XPR1: variants seen among roughly 807,000 people sequenced by gnomAD.
XPR1 encodes the protein solute carrier family 53 member 1.
In XPR1, 28 loss-of-function variants were observed where a neutral mutation model predicts 87.5. The observed-to-expected ratio is 0.32, with a 90% CI of 0.24 to 0.44. XPR1 has a LOEUF of 0.44. Among genes scored for constraint, XPR1 ranks in the 20% least tolerant of loss-of-function variants. The probability of loss-of-function intolerance (pLI) is 1.00; values close to 1 mark genes in which losing one functional copy is unlikely to be tolerated. For missense variants in XPR1, 559 were observed against 862.3 expected, an observed-to-expected ratio of 0.65 and a Z score of 4.41; for synonymous variants, 300 against 306.1, an observed-to-expected ratio of 0.98 and a Z score of 0.21.
At chr1:180,818,509 G>C (rs1378504435) in intron 7 of XPR1, among the ~76,000 whole-genome samples, 1 of 152,020 alleles carries the variant, frequency 6.6e-6, no homozygotes, top group Non-Finnish European at 1.5e-5. Context: ...CCAATTTATA[G>C]TGTTGCTGTG....
rs71297873 is a variant in XPR1, at chr1:180,748,400, C to CTTTT, written c.122-39321_122-39318dup. Reference sequence around the variant, plus strand: ...TGCTACTCTGTGTTATTATTTATGTCTTTTTTTTTTTTTTTTTTTTTTTTT... The same window carrying CTTTT: ...TGCTACTCTGTGTTATTATTTATGTCTTTTTTTTTTTTTTTTTTTTTTTTTTTTT... On this transcript the variant is annotated intron_variant, in intron 2 of 14. Coordinates refer to ENST00000367590, the MANE Select transcript of XPR1 (RefSeq NM_004736.4). Among the ~76,000 whole-genome samples the CTTTT allele has an allele frequency of 6.9e-3, 204 of 29,692 alleles. 44 individuals carry two copies. Among genetic ancestry groups the CTTTT allele is most frequent in the East Asian group, 0.019 (12 of 628 alleles). The allele number at this position is 29,692 out of a possible 152,430, so 19.5% of individuals were successfully genotyped here.
chr1:180,796,495 A>G (rs1649577666), intron 3 of XPR1, among the ~76,000 whole-genome samples: 1 of 152,136 alleles, frequency 6.6e-6, no homozygotes, highest in Non-Finnish European at 1.5e-5. Flanking sequence ...AAGTAGCAAA[A>G]TACACCTGAA....
At chr1:180,708,448 T>C (rs1649280166) in intron 2 of XPR1, among the ~76,000 whole-genome samples, 1 of 152,228 alleles carries the variant, frequency 6.6e-6, no homozygotes, top group South Asian at 2.1e-4. Context: ...ACTCTTAATA[T>C]TGGTTAAAAT....
intron 2 of XPR1, among the ~76,000 whole-genome samples, chr1:180,774,215 A>C (rs945376161): frequency 6.6e-6 from 1 of 152,082 alleles, no homozygotes; most frequent in African/African-American, 2.4e-5. Flanking sequence ...TGAGCTAAGA[A>C]CTTAATTTTC....
intron 11 of XPR1, among the ~76,000 whole-genome samples, chr1:180,861,898 A>G (rs61811227): frequency 0.053 from 8,119 of 152,216 alleles, 311 homozygotes; most frequent in Non-Finnish European, 0.079. Context: ...TGAGGAAAAG[A>G]TGTACAGTAG....
rs544945558 is a variant in XPR1 at position 180,704,597 on chromosome 1, A to G, written c.121+22186A>G. 3.3e-5 allele frequency among the ~76,000 whole-genome samples: 5 copies of G among 151,684 alleles called. 1 individual carries two copies. In the South Asian group the frequency reaches 1.0e-3, roughly 31 times the overall value. On this transcript the variant is annotated intron_variant, in intron 2 of 14. Coordinates refer to ENST00000367590, the MANE Select transcript of XPR1 (RefSeq NM_004736.4). ...ATTTGTATATTTCAATATATTTGGT[A>G]TATTTTGGTACAGTGCAGTTTTATC... is the stretch of plus-strand genomic sequence containing the variant.
chr1:180,813,042 C>T (rs577674411), intron 7 of XPR1, among the ~76,000 whole-genome samples: 25 of 138,206 alleles, frequency 1.8e-4, no homozygotes, highest in South Asian at 1.6e-3. Context: ...GTCTTTTTTC[C>T]CCCCCCCCAA....
At chr1:180,674,561 C>CT (rs11382033) in intron 1 of XPR1, among the ~76,000 whole-genome samples, 6,493 of 145,768 alleles carry the variant, frequency 0.045, 479 homozygotes, top group African/African-American at 0.15. Context: ...ACCCAGCCAA[C>CT]TTTTTTTTTT....
At chr1:180,882,214 T>C (rs1282485676) in intron 14 of XPR1, among the ~76,000 whole-genome samples, 2 of 152,090 alleles carry the variant, frequency 1.3e-5, no homozygotes, top group East Asian at 1.9e-4. Context: ...GGAAACCAGA[T>C]TGCACCAAGA....
chr1:180,678,829 A>G (rs1279603490), intron 1 of XPR1, among the ~76,000 whole-genome samples: 1 of 151,950 alleles, frequency 6.6e-6, no homozygotes, highest in African/African-American at 2.4e-5. Flanking sequence ...GAGTATCTGT[A>G]CTCTTTTCTT....
Position 180,769,455 on chromosome 1 carries a change from TTCTC to T in XPR1, c.122-18273_122-18270del, listed in dbSNP as rs113535211. Among the ~76,000 whole-genome samples the T allele has an allele frequency of 4.4e-3, 528 of 118,682 alleles. 5 individuals are homozygous for T. Among genetic ancestry groups the T allele is most frequent in the Middle Eastern group, 0.012 (3 of 260 alleles). 77.9% of individuals were successfully genotyped at this position (118,682 alleles called of 152,430 possible). A position where few individuals can be genotyped will look rare whatever the true frequency, so the allele number is the denominator to read the frequency against. On this transcript the variant is annotated intron_variant, in intron 2 of 14. Coordinates refer to ENST00000367590, the MANE Select transcript of XPR1 (RefSeq NM_004736.4). ...CTTCCCAGCCTCTGGTAACCATCCT[TTCTC>T]TCTCTCTCTCTCTCTCTCTCTCTCA... is the stretch of plus-strand genomic sequence containing the variant.
intron 1 of XPR1, among the ~76,000 whole-genome samples, chr1:180,642,598 C>T (rs1280916202): frequency 3.9e-5 from 6 of 151,902 alleles, no homozygotes; most frequent in African/African-American, 1.5e-4. Context: ...GGTCATGTAG[C>T]TAGGGAGTGT....
At chr1:180,780,957 T>G (rs1484531327) in intron 2 of XPR1, among the ~76,000 whole-genome samples, 1 of 151,984 alleles carries the variant, frequency 6.6e-6, no homozygotes, top group African/African-American at 2.4e-5. Flanking sequence ...ATCAATTTTT[T>G]TATTTGTTGC....
intron 12 of XPR1, among the ~76,000 whole-genome samples, chr1:180,868,485 T>C (rs1427377386): frequency 2.8e-5 from 1 of 35,886 alleles, no homozygotes; most frequent in Non-Finnish European, 5.3e-5. Context: ...CCTCTTTTAT[T>C]TCCTTGAGCA....
At chr1:180,779,329 A>G (rs1275074349) in intron 2 of XPR1, among the ~76,000 whole-genome samples, 1 of 152,164 alleles carries the variant, frequency 6.6e-6, no homozygotes, top group Non-Finnish European at 1.5e-5. Flanking sequence ...TGAGGGCAGG[A>G]CCTACATTTA....
chr1:180,716,936 T>C (rs1405176283), intron 2 of XPR1, among the ~76,000 whole-genome samples: 1 of 152,238 alleles, frequency 6.6e-6, no homozygotes, highest in Non-Finnish European at 1.5e-5. Flanking sequence ...AATCTGCTCG[T>C]CTTCTAGAAG....
At chr1:180,642,343 CAG>C (rs1654986886) in intron 1 of XPR1, among the ~76,000 whole-genome samples, 1 of 152,032 alleles carries the variant, frequency 6.6e-6, no homozygotes, top group Non-Finnish European at 1.5e-5. Context: ...AAGCCAAAGT[CAG>C]AGCATATATG....
At chr1:180,717,002 T>G (rs979993580) in intron 2 of XPR1, among the ~76,000 whole-genome samples, 5 of 152,194 alleles carry the variant, frequency 3.3e-5, no homozygotes, top group African/African-American at 4.8e-5. Context: ...TTCTTTTTCC[T>G]TTTTTTGGAG....
At chr1:180,784,781 C>A (rs1047097111) in intron 2 of XPR1, among the ~76,000 whole-genome samples, 3 of 151,858 alleles carry the variant, frequency 2.0e-5, no homozygotes, top group African/African-American at 7.3e-5. Context: ...TTATTGTAAT[C>A]TAAATTTGTA....
Sources: allele counts gnomAD v4.1 joint callset (sites outside exome capture counted in the v4.1 genomes callset), GRCh38; gene constraint gnomAD v4.1.1; transcripts MANE v1.5; gene names NCBI Gene and HGNC (gene_info 2026-07-23, HGNC 2026-07-21).